TRIQK: variants seen among roughly 807,000 people sequenced by gnomAD.
The protein encoded by TRIQK is triple QxxK/R motif containing, also known as triple QxxK/R motif-containing protein.
A neutral mutation model predicts 10.8 loss-of-function variants in TRIQK; 10 were observed. The ratio of observed to expected loss-of-function variants is 0.92; its 90% CI spans 0.57 to 1.57. TRIQK has a LOEUF of 1.57. TRIQK is among the 40% of genes most tolerant of loss of function. The pLI is 0.00. For synonymous variants in TRIQK, 33 were observed against 33.7 expected (o/e 0.98, Z 0.07); for missense variants, 107 against 97.7 (o/e 1.09, Z -0.40).
At chr8:92,964,774 T>C (rs1204142593) in intron 1 of TRIQK, 1 of 152,140 alleles carries the variant, frequency 6.6e-6, no homozygotes, top group East Asian at 1.9e-4. Flanking sequence ...TCACAACCAA[T>C]TATTCCTCCT....
intron 2 of TRIQK, among the ~76,000 whole-genome samples, chr8:92,931,967 G>A (rs1810751181): frequency 2.6e-5 from 4 of 152,152 alleles, no homozygotes; most frequent in Admixed American, 2.6e-4. Context: ...AAACAGATAT[G>A]AGAATATCAC....
intron 1 of TRIQK, among the ~76,000 whole-genome samples, chr8:92,977,686 T>C (rs1451092677): frequency 6.6e-6 from 1 of 152,150 alleles, no homozygotes; most frequent in Non-Finnish European, 1.5e-5. Flanking sequence ...GCATATTTTC[T>C]TATTTGTTTT....
chr8:92,931,407 G>T (rs577091939), intron 2 of TRIQK, among the ~76,000 whole-genome samples: 16 of 152,024 alleles, frequency 1.1e-4, no homozygotes, highest in Non-Finnish European at 2.1e-4. Context: ...ACATGCATGT[G>T]CTCTGTCAAT....
intron 3 of TRIQK, among the ~76,000 whole-genome samples, chr8:92,899,877 T>C (rs986602647): frequency 2.6e-5 from 4 of 152,126 alleles, no homozygotes; most frequent in Admixed American, 2.0e-4. Context: ...CAACAGTGTA[T>C]GAGGGTTTCC....
At chr8:92,910,355 A>T (rs1253231136) in intron 3 of TRIQK, among the ~76,000 whole-genome samples, 1 of 150,986 alleles carries the variant, frequency 6.6e-6, no homozygotes, top group African/African-American at 2.4e-5. Flanking sequence ...ACAAGGAAAG[A>T]AAAGAAAAGA....
At chr8:92,988,079 T>C (rs2130748062) in intron 1 of TRIQK, among the ~76,000 whole-genome samples, 1 of 135,056 alleles carries the variant, frequency 7.4e-6, no homozygotes, top group Non-Finnish European at 1.5e-5. Context: ...CGATCTCGGC[T>C]CACTGCAAGC....
chr8:93,012,904 A>G (rs1276647584), intron 1 of TRIQK, among the ~76,000 whole-genome samples: 2 of 152,202 alleles, frequency 1.3e-5, no homozygotes. Context: ...TGAATCAGAA[A>G]CAACAAGGGC....
chr8:92,909,785 T>G (rs1380930836), intron 3 of TRIQK, among the ~76,000 whole-genome samples: 1 of 151,622 alleles, frequency 6.6e-6, no homozygotes, highest in African/African-American at 2.4e-5. Context: ...ATAAATAATA[T>G]CAATCTTGAG....
chr8:92,913,602 A>G (rs1809679628), intron 3 of TRIQK, among the ~76,000 whole-genome samples: 1 of 152,170 alleles, frequency 6.6e-6, no homozygotes, highest in Non-Finnish European at 1.5e-5. Flanking sequence ...CATTTGACCA[A>G]GCAATTCCAT....
chr8:92,941,818 T>C (rs1811284520), intron 2 of TRIQK, among the ~76,000 whole-genome samples: 1 of 151,872 alleles, frequency 6.6e-6, no homozygotes, highest in Admixed American at 6.6e-5. Context: ...TGACAACAAA[T>C]TGGATAATGT....
chr8:92,911,877 A>G (rs1809588025), intron 3 of TRIQK, among the ~76,000 whole-genome samples: 1 of 145,328 alleles, frequency 6.9e-6, no homozygotes, highest in Non-Finnish European at 1.5e-5. Flanking sequence ...ATGAGTGTAC[A>G]TATATATGTA....
At chr8:92,964,305 C>A (rs1484985483) in intron 1 of TRIQK, among the ~76,000 whole-genome samples, 1 of 151,876 alleles carries the variant, frequency 6.6e-6, no homozygotes, top group Non-Finnish European at 1.5e-5. Context: ...AGAAGTTGAA[C>A]AAAAACAGGG....
At chr8:92,952,966 T>C (rs936776409) in intron 2 of TRIQK, among the ~76,000 whole-genome samples, 1 of 152,048 alleles carries the variant, frequency 6.6e-6, no homozygotes, top group Admixed American at 6.6e-5. Context: ...ATTTTGGATA[T>C]GTAGTCTGTG....
chr8:92,948,056 C>A (rs909007534), intron 2 of TRIQK, among the ~76,000 whole-genome samples: 1 of 152,092 alleles, frequency 6.6e-6, no homozygotes, highest in Admixed American at 6.5e-5. Context: ...CTTTTTCTCA[C>A]ACACATAAAA....
upstream of TRIQK, among the ~76,000 whole-genome samples, chr8:92,967,697 C>T: frequency 6.6e-6 from 1 of 151,476 alleles, no homozygotes; most frequent in East Asian, 1.9e-4. Context: ...TGGCAGGCAC[C>T]TGTAATCCCA....
chr8:93,002,933 A>C (rs2130758121), intron 1 of TRIQK, among the ~76,000 whole-genome samples: 1 of 152,056 alleles, frequency 6.6e-6, no homozygotes, highest in East Asian at 1.9e-4. Flanking sequence ...AAAAAAAAAA[A>C]ACCTCATTAA....
intron 2 of TRIQK, among the ~76,000 whole-genome samples, chr8:92,945,627 G>A (rs1811490714): frequency 6.6e-6 from 1 of 152,166 alleles, no homozygotes; most frequent in African/African-American, 2.4e-5. Context: ...ACAGCTTAGT[G>A]ACCAACTTAC....
upstream of TRIQK, among the ~76,000 whole-genome samples, chr8:92,968,301 C>A (rs142496672): frequency 5.5e-4 from 83 of 152,192 alleles, no homozygotes; most frequent in African/African-American, 2.0e-3. Flanking sequence ...ATTTATAATC[C>A]TTTGGGCATA....
intron 1 of TRIQK, among the ~76,000 whole-genome samples, chr8:92,982,918 A>G (rs1449190858): frequency 6.6e-6 from 1 of 151,890 alleles, no homozygotes; most frequent in African/African-American, 2.4e-5. Context: ...CTGAATTTGA[A>G]TGCTGGGTCT....
Sources: allele counts gnomAD v4.1 joint callset (sites outside exome capture counted in the v4.1 genomes callset), GRCh38; gene constraint gnomAD v4.1.1; transcripts MANE v1.5; gene names NCBI Gene and HGNC (gene_info 2026-07-23, HGNC 2026-07-21).